The following SLF1 variants were observed in gnomAD, a reference collection of about 807,000 sequenced individuals.
The protein encoded by SLF1 is SMC5-SMC6 complex localization factor protein 1.
SLF1 carries 105 observed loss-of-function variants against 123.0 expected under a neutral mutation model. The ratio of observed to expected loss-of-function variants is 0.85; its 90% CI spans 0.73 to 1.00. The LOEUF (loss-of-function observed/expected upper bound fraction) is 1.00, where lower values mean the gene tolerates loss of function less well. Ranked by LOEUF, SLF1 falls within the 50% of genes least tolerant of loss-of-function variation. The pLI, the probability that SLF1 is intolerant of heterozygous loss-of-function variation, is 0.00. For missense variants in SLF1, 1,239 were observed against 1,223.0 expected, an observed-to-expected ratio of 1.01 and a Z score of -0.20; for synonymous variants, 434 against 406.6, an observed-to-expected ratio of 1.07 and a Z score of -0.81.
At chr5:94,637,237 TGG>T (rs1745920843) in intron 4 of SLF1, among the ~76,000 whole-genome samples, 1 of 152,150 alleles carries the variant, frequency 6.6e-6, no homozygotes, top group Non-Finnish European at 1.5e-5. Flanking sequence ...TAGTGATCAC[TGG>T]GAGATCACTG....
At chr5:94,665,780 G>C in intron 11 of SLF1, 81 bp from the exon 12 acceptor site, 2 of 1,257,040 alleles carry the variant, frequency 1.6e-6, no homozygotes, top group Non-Finnish European at 2.2e-6. Context: ...CAGGGTTACT[G>C]TTTTGGTTTT....
At chr5:94,650,004 A>G (rs1747497725) in intron 6 of SLF1, among the ~76,000 whole-genome samples, 3 of 152,290 alleles carry the variant, frequency 2.0e-5, no homozygotes, top group Non-Finnish European at 2.9e-5. Context: ...AATGAAGTCT[A>G]TTTTGATTAA....
chr5:94,653,867 T>A (rs541193099), intron 8 of SLF1, among the ~76,000 whole-genome samples: 51 of 143,140 alleles, frequency 3.6e-4, no homozygotes, highest in Admixed American at 5.6e-4. Context: ...TTTTTTTTTT[T>A]AACGATCTAA....
rs756033962 is a variant in SLF1, at chr5:94,669,966, CAT to C, written c.1533-184_1533-183del. Reference sequence around the variant, plus strand: ...ATCTATTTATTAAGAATTAAGTACTCATGAGATATTTGACATTGTTTAATTTT... The same window carrying C: ...ATCTATTTATTAAGAATTAAGTACTCGAGATATTTGACATTGTTTAATTTT... On this transcript the variant is annotated intron_variant, in intron 12 of 20. Coordinates refer to ENST00000265140, the MANE Select transcript of SLF1 (RefSeq NM_032290.4). 2.7e-5 allele frequency among the ~76,000 whole-genome samples: 4 copies of C among 147,176 alleles called. No homozygotes were observed. The South Asian group carries it at 8.3e-4, about 31-fold the overall frequency.
At chr5:94,682,018 ATGTG>A (rs149761695) in intron 15 of SLF1, among the ~76,000 whole-genome samples, 1 of 151,652 alleles carries the variant, frequency 6.6e-6, no homozygotes, top group East Asian at 1.9e-4. Context: ...GTGTGTGTGC[ATGTG>A]TGTGTGTGTG....
chr5:94,620,419 A>G (rs1791655274), intron 1 of SLF1, among the ~76,000 whole-genome samples: 1 of 152,254 alleles, frequency 6.6e-6, no homozygotes, highest in Non-Finnish European at 1.5e-5. Context: ...AAATGTGGTT[A>G]CTTTTCATAA....
chr5:94,685,464 CTTAT>C (rs1440106490), intron 15 of SLF1, among the ~76,000 whole-genome samples: 3 of 151,560 alleles, frequency 2.0e-5, no homozygotes, highest in African/African-American at 7.3e-5. Context: ...CTTGGTTGGT[CTTAT>C]TTATTCTTTC....
At chr5:94,637,593 A>T (rs1745959335) in intron 4 of SLF1, among the ~76,000 whole-genome samples, 1 of 152,000 alleles carries the variant, frequency 6.6e-6, no homozygotes, top group Non-Finnish European at 1.5e-5. Context: ...AGTACAAATT[A>T]CAACTGGGGT....
At chr5:94,636,066 G>T (rs780895649) in intron 4 of SLF1, among the ~76,000 whole-genome samples, 3 of 152,112 alleles carry the variant, frequency 2.0e-5, no homozygotes, top group Non-Finnish European at 1.5e-5. Flanking sequence ...GGTAAGTAAG[G>T]TATTGGCAGT....
intron 1 of SLF1, among the ~76,000 whole-genome samples, chr5:94,621,374 A>G (rs1791771430): frequency 1.3e-5 from 2 of 152,196 alleles, no homozygotes; most frequent in South Asian, 4.1e-4. Context: ...TCTGCACAAG[A>G]AAAATAAATA....
In SLF1 at chr5:94,689,463, T is replaced by C. The variant is rs778191028; in HGVS notation, c.2286-10T>C. 1 of 1,601,376 alleles carries C rather than the reference T, an allele frequency of 6.2e-7. No homozygotes were observed. The highest frequency in any genetic ancestry group is 8.5e-7 in the Non-Finnish European group (1 of 1,176,040). ...AACAAGCTTTCATTATTTCTTACTT[T>C]TCCTTTCAGAGACCTGAACCTTGCT... On this transcript the variant is annotated splice_polypyrimidine_tract_variant and intron_variant, in intron 17 of 20. Coordinates refer to ENST00000265140, the MANE Select transcript of SLF1 (RefSeq NM_032290.4).
At chr5:94,633,449 A>G (rs763176793) in intron 4 of SLF1, among the ~76,000 whole-genome samples, 4 of 152,248 alleles carry the variant, frequency 2.6e-5, no homozygotes, top group Non-Finnish European at 5.9e-5. Context: ...ACATCTATGT[A>G]AATATCTAAA....
At chr5:94,689,673 T>G in intron 18 of SLF1, 67 bp downstream of exon 18, 1 of 1,439,740 alleles carries the variant, frequency 6.9e-7, no homozygotes, top group East Asian at 2.3e-5. Context: ...ACTTGCAGGT[T>G]TCACACATTT....
At chr5:94,645,168 G>A (rs1746877138) in intron 5 of SLF1, among the ~76,000 whole-genome samples, 1 of 152,180 alleles carries the variant, frequency 6.6e-6, no homozygotes, top group Admixed American at 6.5e-5. Context: ...CTTCTAGGAA[G>A]TTGCTTTCTC....
intron 4 of SLF1, among the ~76,000 whole-genome samples, chr5:94,638,180 T>G (rs1181534831): frequency 6.6e-6 from 1 of 151,842 alleles, no homozygotes; most frequent in African/African-American, 2.4e-5. Flanking sequence ...TCTTCTTATT[T>G]TTTATTTTAT....
At chr5:94,641,055 A>G (rs1288532987) in intron 4 of SLF1, among the ~76,000 whole-genome samples, 1 of 152,178 alleles carries the variant, frequency 6.6e-6, no homozygotes, top group Admixed American at 6.5e-5. Flanking sequence ...GAATATTGAT[A>G]GAGGCTGATG....
intron 16 of SLF1, among the ~76,000 whole-genome samples, chr5:94,688,014 ATTAATATCTATCT>A (rs1752643513): frequency 2.3e-5 from 3 of 130,546 alleles, no homozygotes; most frequent in Admixed American, 2.1e-4. Flanking sequence ...ATATGTAGAT[ATTAATATCTATCT>A]TTAGATATTA....
At chr5:94,625,202 A>G (rs75779449) in intron 1 of SLF1, among the ~76,000 whole-genome samples, 1 of 150,384 alleles carries the variant, frequency 6.6e-6, no homozygotes, top group African/African-American at 2.4e-5. Context: ...CAAAAAAAAA[A>G]AAAAAAATAT....
At chr5:94,679,737 C>G (rs1751547179) in intron 15 of SLF1, among the ~76,000 whole-genome samples, 1 of 152,024 alleles carries the variant, frequency 6.6e-6, no homozygotes, top group Non-Finnish European at 1.5e-5. Context: ...TCCCCATTAC[C>G]TACTTTAAAG....
Sources: gnomAD v4.1 joint callset for allele counts (sites outside exome capture counted in the v4.1 genomes callset) on GRCh38, gnomAD v4.1.1 for gene constraint, MANE v1.5 for transcripts, NCBI Gene and HGNC (gene_info 2026-07-23, HGNC 2026-07-21) for gene names.